Variants in PRELID3B observed in about 807,000 individuals in gnomAD.
PRELID3B encodes PRELI domain containing protein 3B.
Under a neutral mutation model 24.0 loss-of-function variants are expected in PRELID3B, and 15 were observed. The observed-to-expected ratio is 0.63, with a 90% CI of 0.42 to 0.96. The LOEUF (loss-of-function observed/expected upper bound fraction) is 0.96. PRELID3B is among the 40% of genes least tolerant of loss of function. PRELID3B has a pLI of 0.00. For missense variants in PRELID3B, 189 were observed against 236.0 expected (o/e 0.80, Z 1.30); for synonymous variants, 62 against 76.0 (o/e 0.82, Z 0.96).
In PRELID3B at chr20:59,036,725, T is replaced by C; in HGVS notation, c.327A>G (p.Arg109=). The C allele has an allele frequency of 6.3e-7, 1 of 1,596,896 alleles. No individual in the cohort carries two copies. Among genetic ancestry groups the C allele is most frequent in the East Asian group, 2.2e-5 (1 of 44,752 alleles). ...SFTNMVSVDE[R]LIYKPHPQDP... Reference sequence around the variant, plus strand: ...CCTGAGGATGTGGTTTGTATATAAGTCTCTCATCTACTGAAACCATGTTTG... The same window carrying C: ...CCTGAGGATGTGGTTTGTATATAAGCCTCTCATCTACTGAAACCATGTTTG... Residue 109 remains arginine, a synonymous_variant, in exon 4 of 6, where the codon AGA becomes AGG. Coordinates refer to ENST00000355937, the MANE Select transcript of PRELID3B (RefSeq NM_016045.3).
In PRELID3B at chr20:59,040,918, C is replaced by G. The variant is rs1213764489; in HGVS notation, c.32+1781G>C. 6.6e-6 allele frequency among the ~76,000 whole-genome samples: 1 copy of G among 152,132 alleles called. No homozygotes were observed. The highest frequency in any genetic ancestry group is 1.5e-5 in the Non-Finnish European group (1 of 68,018). ...GCTTCTCCCAGGACAAAAAAAAAGT[C>G]TGTGACGAAAAGAGAAACAAAAAAG... is the stretch of plus-strand genomic sequence containing the variant. On this transcript the variant is annotated intron_variant, in intron 1 of 5. Coordinates refer to ENST00000355937, the MANE Select transcript of PRELID3B (RefSeq NM_016045.3). This position sits in a 1 kb window ranked among gnomAD's most constrained non-coding sequence, Gnocchi z 4.1.
intron 2 of PRELID3B, among the ~76,000 whole-genome samples, chr20:59,037,574 G>C (rs2092082974): frequency 6.6e-6 from 1 of 152,204 alleles, no homozygotes; most frequent in African/African-American, 2.4e-5. Context: ...GTGGAGCGCT[G>C]AGGCTGAGAT....
At position 59,034,977 on chromosome 20, in the gene PRELID3B, G is replaced by A. The variant is rs1216245364; in HGVS notation, c.*30C>T. 2.5e-6 allele frequency: 4 copies of A among 1,591,392 alleles called. No individual in the cohort carries two copies. The highest frequency in any genetic ancestry group is 2.7e-5 in the African/African-American group (2 of 73,948). On this transcript the variant is annotated 3_prime_UTR_variant, in exon 6 of 6. Coordinates refer to ENST00000355937, the MANE Select transcript of PRELID3B (RefSeq NM_016045.3). Reference sequence around the variant, plus strand: ...TATAGTCAGTTTGGAGAGACCTGGAGTACCCGATGTTGTCTACCAACTGTC... The same window carrying A: ...TATAGTCAGTTTGGAGAGACCTGGAATACCCGATGTTGTCTACCAACTGTC...
chr20:59,038,702 C>T (rs1428514925), intron 1 of PRELID3B, 68 bp from the exon 2 acceptor site: 1 of 1,478,094 alleles, frequency 6.8e-7, no homozygotes, highest in Admixed American at 2.3e-5. Flanking sequence ...ATGAGTTAAA[C>T]AATTTTTATA....
intron 1 of PRELID3B, 86 bp from the exon 2 acceptor site, chr20:59,038,720 AAATC>A: frequency 6.9e-7 from 1 of 1,443,912 alleles, no homozygotes; most frequent in Non-Finnish European, 9.2e-7. Context: ...ATAATCTATC[AAATC>A]ATTCATTACA....
At chr20:59,039,850 T>G (rs1357439251) in intron 1 of PRELID3B, among the ~76,000 whole-genome samples, 1 of 152,224 alleles carries the variant, frequency 6.6e-6, no homozygotes, top group Non-Finnish European at 1.5e-5. Context: ...TATACAATAT[T>G]GTACCAATGA....
At chr20:59,041,906 T>C (rs1019422360) in intron 1 of PRELID3B, among the ~76,000 whole-genome samples, 1 of 152,214 alleles carries the variant, frequency 6.6e-6, no homozygotes, top group Non-Finnish European at 1.5e-5. Flanking sequence ...CTGCTTAAAT[T>C]TGTGGCTCTT....
intron 5 of PRELID3B, among the ~76,000 whole-genome samples, chr20:59,035,482 T>C (rs1211294068): frequency 1.3e-5 from 2 of 152,248 alleles, no homozygotes; most frequent in African/African-American, 4.8e-5. Context: ...TGCAAGGTCC[T>C]GCAGGATCTG....
chr20:59,037,197 A>G lies in PRELID3B; in HGVS notation c.285T>C (p.Ser95=). ...DPVEKTMELK[S]TNISFTNMVS... ...AAAGGGAGCCAAGACTTACATTAGT[A>G]GATTTAAGTTCCATTGTTTTCTCTA... The change falls in exon 3 of 6, where the codon TCT becomes TCC. Residue 95 remains serine, a synonymous_variant. Coordinates refer to ENST00000355937, the MANE Select transcript of PRELID3B (RefSeq NM_016045.3). 1 of 1,609,724 alleles carries G rather than the reference A, an allele frequency of 6.2e-7. No individual in the cohort carries two copies.
intron 5 of PRELID3B, among the ~76,000 whole-genome samples, 167 bp from the exon 6 acceptor site, chr20:59,035,293 A>G (rs1303944916): frequency 6.6e-6 from 1 of 152,234 alleles, no homozygotes; most frequent in African/African-American, 2.4e-5. Context: ...CAAACATCAA[A>G]TGCCTTGAGC....
chr20:59,035,544 TG>T (rs982611068), intron 5 of PRELID3B, among the ~76,000 whole-genome samples: 1 of 152,208 alleles, frequency 6.6e-6, no homozygotes, highest in Non-Finnish European at 1.5e-5. Flanking sequence ...TATAGTTCCT[TG>T]AAAAACAGAG....
In PRELID3B at chr20:59,036,769, T is replaced by G; in HGVS notation, c.292-9A>C. ...ATGTTTGTAAATGAAATCTACAGAA[T>G]GAAGAAAAAAAAAAAAGATCAAATC... On this transcript the variant is annotated splice_polypyrimidine_tract_variant and intron_variant, in intron 3 of 5. Transcript: ENST00000355937. 6.7e-7 allele frequency: 1 copy of G among 1,493,276 alleles called. No individual in the cohort carries two copies. Among genetic ancestry groups the G allele is most frequent in the Non-Finnish European group, 9.1e-7 (1 of 1,103,786 alleles). 92.5% of individuals were successfully genotyped at this position (1,493,276 alleles called of 1,614,324 possible). A position where few individuals can be genotyped will look rare whatever the true frequency, so the allele number is the denominator to read the frequency against.
chr20:59,041,048 A>C (rs2092106544), intron 1 of PRELID3B, among the ~76,000 whole-genome samples: 1 of 152,236 alleles, frequency 6.6e-6, no homozygotes, highest in Admixed American at 6.5e-5. Flanking sequence ...AGACAAAGGC[A>C]GAAAGAGTGT....
chr20:59,041,225 T>C (rs1322445883), intron 1 of PRELID3B, among the ~76,000 whole-genome samples: 1 of 152,002 alleles, frequency 6.6e-6, no homozygotes, highest in East Asian at 1.9e-4. Flanking sequence ...GGAGCTGAAA[T>C]GGACTAGTGA....
At chr20:59,041,214 C>A (rs1396380133) in intron 1 of PRELID3B, among the ~76,000 whole-genome samples, 1 of 152,106 alleles carries the variant, frequency 6.6e-6, no homozygotes, top group Non-Finnish European at 1.5e-5. Context: ...TAAACATCCT[C>A]GGAGCTGAAA....
chr20:59,039,616 A>G (rs1387119298), intron 1 of PRELID3B, among the ~76,000 whole-genome samples: 1 of 152,226 alleles, frequency 6.6e-6, no homozygotes, highest in Non-Finnish European at 1.5e-5. Context: ...GGAAAAAGAC[A>G]AGATCTGGGG....
Position 59,040,815 on chromosome 20 carries a change from G to A in PRELID3B, c.32+1884C>T, listed in dbSNP as rs753371299. On this transcript the variant is annotated intron_variant, in intron 1 of 5. Transcript: ENST00000355937. This position sits in a 1 kb window ranked among gnomAD's most constrained non-coding sequence, Gnocchi z 4.1. ...TGGAGCTCAAGGTACAGATCTGGGT[G>A]CCATAAATGTATACCTATCATTTGG... Among the ~76,000 whole-genome samples, 1 of 152,166 alleles carries A rather than the reference G, an allele frequency of 6.6e-6. No individual in the cohort carries two copies. Among genetic ancestry groups the A allele is most frequent in the Non-Finnish European group, 1.5e-5 (1 of 68,034 alleles).
Position 59,040,654 on chromosome 20 carries a change from C to G in PRELID3B, c.33-2020G>C, listed in dbSNP as rs182316828. Among the ~76,000 whole-genome samples the G allele has an allele frequency of 1.3e-5, 2 of 152,158 alleles. No individual in the cohort carries two copies. The highest frequency in any genetic ancestry group is 2.9e-5 in the Non-Finnish European group (2 of 68,034). ...TGTTAGAGAGTGACATCCTAAAGAT[C>G]AGAAACAACGCTCAGATTTGTCAGG... On this transcript the variant is annotated intron_variant, in intron 1 of 5. Transcript: ENST00000355937. The surrounding 1 kb of genome is among the most constrained non-coding windows in gnomAD (Gnocchi z 4.1).
At chr20:59,038,378 G>A (rs1044118855) in intron 2 of PRELID3B, 88 bp downstream of exon 2, 7 of 1,094,964 alleles carry the variant, frequency 6.4e-6, no homozygotes, top group East Asian at 2.6e-5. Flanking sequence ...ATTCAGAATC[G>A]GCTCCCACAA....
Sources: allele counts gnomAD v4.1 joint callset (sites outside exome capture counted in the v4.1 genomes callset), GRCh38; gene constraint gnomAD v4.1.1; non-coding constraint Gnocchi (gnomAD v3.1); transcripts MANE v1.5; gene names NCBI Gene and HGNC (gene_info 2026-07-23, HGNC 2026-07-21).